The following NCKAP5 variants were observed in gnomAD, a reference collection of about 807,000 sequenced individuals.
The protein encoded by NCKAP5 is NCK associated protein 5, also known as nck-associated protein 5.
NCKAP5 carries 92 observed loss-of-function variants against 167.0 expected under a neutral mutation model. That is an observed-to-expected ratio of 0.55 (90% CI 0.47 to 0.66). The LOEUF is 0.66. Ranked by LOEUF, NCKAP5 falls within the 30% of genes least tolerant of loss-of-function variation. The pLI, the probability that NCKAP5 is intolerant of heterozygous loss-of-function variation, is 0.00. For synonymous variants in NCKAP5, 891 were observed against 877.4 expected (o/e 1.02, Z -0.27); for missense variants, 2,378 against 2,315.0 (o/e 1.03, Z -0.56).
intron 19 of NCKAP5, among the ~76,000 whole-genome samples, chr2:132,689,398 A>G (rs766998087): frequency 6.6e-6 from 1 of 152,212 alleles, no homozygotes; most frequent in Non-Finnish European, 1.5e-5. Flanking sequence ...AATGCAGTAC[A>G]TGTTTTTCAT....
At chr2:132,747,565 G>C (rs1380355212) in intron 16 of NCKAP5, among the ~76,000 whole-genome samples, 1 of 151,680 alleles carries the variant, frequency 6.6e-6, no homozygotes, top group Non-Finnish European at 1.5e-5. Context: ...GTAGGGTGGG[G>C]ATCCCTGGTT....
intron 16 of NCKAP5, among the ~76,000 whole-genome samples, chr2:132,755,899 A>C (rs1661241228): frequency 7.4e-6 from 1 of 135,874 alleles, no homozygotes; most frequent in African/African-American, 3.1e-5. Context: ...ATAATAATGA[A>C]GATCGATGCT....
intron 3 of NCKAP5, among the ~76,000 whole-genome samples, chr2:133,385,468 T>A (rs954947444): frequency 6.6e-6 from 1 of 152,224 alleles, no homozygotes; most frequent in African/African-American, 2.4e-5. Context: ...ATTGAGGATT[T>A]TTGCATTGAT....
chr2:132,680,841 T>C (rs1685123651), intron 19 of NCKAP5, among the ~76,000 whole-genome samples: 2 of 152,174 alleles, frequency 1.3e-5, no homozygotes, highest in Admixed American at 1.3e-4. Context: ...AGAAACACAT[T>C]TGTGATTTCT....
chr2:133,045,383 C>CTA (rs1023409143), intron 6 of NCKAP5, among the ~76,000 whole-genome samples: 41 of 151,376 alleles, frequency 2.7e-4, no homozygotes, highest in South Asian at 6.3e-4. Context: ...CTATATCTAT[C>CTA]TATATATATA....
chr2:133,164,242 G>A (rs2083913273), intron 5 of NCKAP5, among the ~76,000 whole-genome samples: 1 of 152,148 alleles, frequency 6.6e-6, no homozygotes, highest in African/African-American at 2.4e-5. Context: ...ACCAACTATG[G>A]TGCCAAGTAG....
chr2:133,507,149 T>C (rs1683083874), intron 3 of NCKAP5, among the ~76,000 whole-genome samples: 2 of 152,144 alleles, frequency 1.3e-5, no homozygotes, highest in Admixed American at 1.3e-4. Flanking sequence ...CAGATTTCAC[T>C]CTCAGCGTTC....
At chr2:132,731,696 T>C (rs1558982653) in intron 17 of NCKAP5, 41 bp downstream of exon 17, 2 of 1,517,526 alleles carry the variant, frequency 1.3e-6, no homozygotes, top group Admixed American at 4.5e-5. Flanking sequence ...CTTTTTTTTG[T>C]CAGCAAATGT....
chr2:133,647,171 T>C, the NCKAP5 span, among the ~76,000 whole-genome samples: 1 of 151,860 alleles, frequency 6.6e-6, no homozygotes, highest in Non-Finnish European at 1.5e-5. Context: ...ACCCCTCTTC[T>C]ACAAAAAGTT....
At chr2:133,232,816 T>G (rs1188267017) in intron 4 of NCKAP5, among the ~76,000 whole-genome samples, 1 of 152,140 alleles carries the variant, frequency 6.6e-6, no homozygotes, top group Non-Finnish European at 1.5e-5. Flanking sequence ...CAAGAGAATT[T>G]CATCATATGT....
chr2:132,926,065 GATT>G (rs1485240701), intron 8 of NCKAP5: 1 of 200,584 alleles, frequency 5.0e-6, no homozygotes, highest in African/African-American at 2.3e-5. Flanking sequence ...GGTCTTCAAT[GATT>G]ATTATCACAC....
chr2:133,418,294 CTG>C (rs1689250760), intron 3 of NCKAP5, among the ~76,000 whole-genome samples: 1 of 152,182 alleles, frequency 6.6e-6, no homozygotes, highest in Admixed American at 6.5e-5. Context: ...CTAAACAACT[CTG>C]AGACTTCCAA....
At position 133,316,082 on chromosome 2, in the gene NCKAP5, T is replaced by C. The variant is rs80038475; in HGVS notation, c.70-12972A>G. Among the ~76,000 whole-genome samples, 58 of 152,268 alleles carry C rather than the reference T, an allele frequency of 3.8e-4. No homozygotes were observed. In the East Asian group the frequency reaches 0.011, roughly 28 times the overall value. ...CCAGAGATGTAATTTTAACAAGAAC[T>C]TGTAGGAGGATGTTGCCAGTTCTCC... On this transcript the variant is annotated intron_variant, in intron 3 of 19. Transcript: ENST00000409261.
intron 3 of NCKAP5, among the ~76,000 whole-genome samples, chr2:133,305,527 G>A (rs1023448334): frequency 6.6e-6 from 1 of 152,114 alleles, no homozygotes. Flanking sequence ...CAAGGTGAAG[G>A]CATTATTCAT....
chr2:132,909,918 A>G (rs1644970941), intron 8 of NCKAP5, among the ~76,000 whole-genome samples: 1 of 152,204 alleles, frequency 6.6e-6, no homozygotes. Flanking sequence ...CTAAATGCTT[A>G]AAGAATCTTA....
chr2:133,588,261 T>TCCTCCCTCCCTC, the NCKAP5 span, among the ~76,000 whole-genome samples: 2 of 117,418 alleles, frequency 1.7e-5, no homozygotes, highest in South Asian at 6.2e-4. Flanking sequence ...GATTCCTTTT[T>TCCTCCCTCCCTC]CCTCCCTCCC....
chr2:133,313,559 G>A (rs1040097034), intron 3 of NCKAP5, among the ~76,000 whole-genome samples: 4 of 151,830 alleles, frequency 2.6e-5, no homozygotes, highest in African/African-American at 9.7e-5. Flanking sequence ...CTTAAATATT[G>A]TTTCTATAGC....
intron 10 of NCKAP5, among the ~76,000 whole-genome samples, chr2:132,865,303 C>T (rs533931092): frequency 6.6e-6 from 1 of 152,208 alleles, no homozygotes; most frequent in African/African-American, 2.4e-5. Context: ...ACCCTAAAAG[C>T]CTTCGGATTA....
intron 10 of NCKAP5, among the ~76,000 whole-genome samples, chr2:132,863,990 T>C (rs750294486): frequency 6.6e-6 from 1 of 152,182 alleles, no homozygotes; most frequent in Non-Finnish European, 1.5e-5. Flanking sequence ...CAGGAACACT[T>C]TGACATAAAG....
Sources: allele counts gnomAD v4.1 joint callset (sites outside exome capture counted in the v4.1 genomes callset), GRCh38; gene constraint gnomAD v4.1.1; transcripts MANE v1.5; gene names NCBI Gene and HGNC (gene_info 2026-07-23, HGNC 2026-07-21).